MAP3K7CL: variants seen among roughly 807,000 people sequenced by gnomAD.
The protein encoded by MAP3K7CL is MAP3K7 C-terminal like, also known as MAP3K7 C-terminal-like protein.
MAP3K7CL carries 16 observed loss-of-function variants against 18.6 expected under a neutral mutation model. The observed-to-expected ratio is 0.86, with a 90% confidence interval of 0.58 to 1.31. The LOEUF (loss-of-function observed/expected upper bound fraction) is 1.31. Ranked by LOEUF, MAP3K7CL falls within the 50% of genes most tolerant of loss-of-function variation. The pLI, the probability that MAP3K7CL is intolerant of heterozygous loss-of-function variation, is 0.00. For missense variants in MAP3K7CL, 163 were observed against 174.4 expected, an observed-to-expected ratio of 0.93 and a Z score of 0.37; for synonymous variants, 65 against 66.8, an observed-to-expected ratio of 0.97 and a Z score of 0.13.
At chr21:29,144,566 A>C (rs2087084397) in intron 2 of MAP3K7CL, among the ~76,000 whole-genome samples, 1 of 152,080 alleles carries the variant, frequency 6.6e-6, no homozygotes, top group Non-Finnish European at 1.5e-5. Context: ...GAAAGAGCCC[A>C]GGGCTGGGGG....
At chr21:29,136,076 T>C (rs1184813538) in intron 2 of MAP3K7CL, among the ~76,000 whole-genome samples, 1 of 151,720 alleles carries the variant, frequency 6.6e-6, no homozygotes, top group East Asian at 2.0e-4. Flanking sequence ...AGGAGACCCA[T>C]TATTGTTGTA....
Position 29,092,592 on chromosome 21 carries a change from C to T in MAP3K7CL, c.370+11C>T, listed in dbSNP as rs1296700532. The T allele has an allele frequency of 3.7e-6, 6 of 1,612,370 alleles. No homozygotes were observed. In the East Asian group the frequency reaches 6.7e-5, roughly 18 times the overall value. The stretch of plus-strand genomic sequence containing the variant: ...CCAGCTCCCCTCTGGGTGAGTATTC[C>T]GTCCACTTTCTGGAAGTCTCAGGTT... On this transcript the variant is annotated intron_variant, in intron 4 of 6. Coordinates refer to the MAP3K7CL transcript ENST00000286791.
intron 4 of MAP3K7CL, among the ~76,000 whole-genome samples, chr21:29,168,276 C>G (rs951938099): frequency 3.3e-5 from 5 of 152,122 alleles, no homozygotes; most frequent in Non-Finnish European, 7.4e-5. Context: ...GAGTAAGATG[C>G]CTTCTGGGTA....
At chr21:29,090,541 G>A (rs778557615) in intron 1 of MAP3K7CL, among the ~76,000 whole-genome samples, 3 of 151,968 alleles carry the variant, frequency 2.0e-5, no homozygotes, top group Non-Finnish European at 4.4e-5. Context: ...TACCATGCCC[G>A]GCTAATTTTT....
intron 4 of MAP3K7CL, among the ~76,000 whole-genome samples, chr21:29,106,279 C>T (rs572101170): frequency 2.6e-5 from 4 of 152,192 alleles, no homozygotes; most frequent in East Asian, 3.9e-4. Flanking sequence ...CTCTGCCTCC[C>T]GGGTTCAAGC....
chr21:29,080,112 T>G (rs1181929113), intron 1 of MAP3K7CL, among the ~76,000 whole-genome samples: 1 of 152,214 alleles, frequency 6.6e-6, no homozygotes, highest in Admixed American at 6.5e-5. Context: ...CTCTTGAGCC[T>G]TTATGAATCA....
At chr21:29,132,903 A>T (rs921979316) in intron 1 of MAP3K7CL, among the ~76,000 whole-genome samples, 2 of 152,204 alleles carry the variant, frequency 1.3e-5, no homozygotes, top group African/African-American at 4.8e-5. Flanking sequence ...GAACATGAAA[A>T]GCAAGTCTAA....
chr21:29,124,364 A>G (rs1293286596), intron 4 of MAP3K7CL, among the ~76,000 whole-genome samples: 1 of 151,628 alleles, frequency 6.6e-6, no homozygotes, highest in African/African-American at 2.4e-5. Flanking sequence ...AAAAAAAAAA[A>G]AAAAAAAAAA....
chr21:29,171,371 G>C lies in MAP3K7CL; in HGVS notation c.249-3341G>C, dbSNP rs2087822438. ...TGGACACTTTCTAACATCTGGTTTT[G>C]CTCAGTGGACACCAAAGTGGGTATC... On this transcript the variant is annotated intron_variant, in intron 4 of 4. Coordinates refer to ENST00000399928, the MANE Select transcript of MAP3K7CL (RefSeq NM_001286620.2). 2.0e-5 allele frequency among the ~76,000 whole-genome samples: 3 copies of C among 152,312 alleles called. No homozygotes were observed. The South Asian group carries it at 6.2e-4, about 32-fold the overall frequency.
intron 1 of MAP3K7CL, chr21:29,086,046 A>T (rs748562355): frequency 9.9e-7 from 1 of 1,005,518 alleles, no homozygotes. Flanking sequence ...TCAGCTAACC[A>T]TTACTGTTGG....
chr21:29,134,713 C>A (rs1407279385), intron 2 of MAP3K7CL, among the ~76,000 whole-genome samples: 2 of 152,184 alleles, frequency 1.3e-5, no homozygotes, highest in Admixed American at 1.3e-4. Context: ...AACTATACTT[C>A]TCTGTCATAA....
chr21:29,092,878 C>A (rs986269287), intron 4 of MAP3K7CL, among the ~76,000 whole-genome samples: 1 of 152,154 alleles, frequency 6.6e-6, no homozygotes, highest in African/African-American at 2.4e-5. Flanking sequence ...ATCTCTCCAA[C>A]GTCTCTGACT....
chr21:29,144,850 G>A (rs1171502743), intron 2 of MAP3K7CL, among the ~76,000 whole-genome samples: 5 of 152,180 alleles, frequency 3.3e-5, no homozygotes, highest in Admixed American at 2.6e-4. Flanking sequence ...AAATAATCCT[G>A]AAACCAACCC....
intron 4 of MAP3K7CL, among the ~76,000 whole-genome samples, chr21:29,110,597 A>G (rs1050066716): frequency 6.6e-6 from 1 of 151,988 alleles, no homozygotes; most frequent in African/African-American, 2.4e-5. Flanking sequence ...GAATTTCACC[A>G]TGTTGGCCAG....
At chr21:29,161,453 C>T (rs186389677) in intron 4 of MAP3K7CL, among the ~76,000 whole-genome samples, 264 of 151,948 alleles carry the variant, frequency 1.7e-3, no homozygotes, top group African/African-American at 6.1e-3. Flanking sequence ...TAAAGGGCTG[C>T]TAAGATGAAT....
chr21:29,173,052 G>C (rs1368535104), intron 4 of MAP3K7CL, among the ~76,000 whole-genome samples: 1 of 152,152 alleles, frequency 6.6e-6, no homozygotes, highest in East Asian at 1.9e-4. Context: ...GATAGTATTT[G>C]CATGTATTTT....
upstream of MAP3K7CL, among the ~76,000 whole-genome samples, chr21:29,084,715 A>G (rs527673087): frequency 4.6e-5 from 7 of 152,354 alleles, no homozygotes; most frequent in African/African-American, 1.7e-4. Context: ...CAAATGCACC[A>G]TCGAGGTGAA....
In MAP3K7CL at chr21:29,134,924, G is replaced by A. The variant is rs552600281; in HGVS notation, c.70+1510G>A. Among the ~76,000 whole-genome samples the A allele has an allele frequency of 4.4e-3, 660 of 151,456 alleles. 3 individuals carry two copies. The highest frequency in any genetic ancestry group is 7.7e-3 in the Non-Finnish European group (523 of 67,814). On this transcript the variant is annotated intron_variant, in intron 2 of 4. Transcript: ENST00000399928. ...AAATTAGCTGGGCCTGGTGGCGGGC[G>A]CCTGTAGTCCCAGCTACTCGGGAGG...
chr21:29,123,960 T>G (rs903130814), intron 4 of MAP3K7CL, among the ~76,000 whole-genome samples: 2 of 152,202 alleles, frequency 1.3e-5, no homozygotes, highest in African/African-American at 4.8e-5. Flanking sequence ...GGGAAAGATA[T>G]AAATACTAAA....
Sources: gnomAD v4.1 joint callset for allele counts (sites outside exome capture counted in the v4.1 genomes callset) on GRCh38, gnomAD v4.1.1 for gene constraint, MANE v1.5 for transcripts, NCBI Gene and HGNC (gene_info 2026-07-23, HGNC 2026-07-21) for gene names.